The following RBM6 variants were observed in gnomAD, a reference collection of about 807,000 sequenced individuals.
The protein encoded by RBM6 is RNA-binding protein 6.
A neutral mutation model predicts 140.4 loss-of-function variants in RBM6; 23 were observed. The ratio of observed to expected loss-of-function variants is 0.16; its 90% CI spans 0.12 to 0.23. The LOEUF is 0.23. Ranked by LOEUF, RBM6 falls within the 10% of genes least tolerant of loss-of-function variation. The probability of loss-of-function intolerance (pLI) is 1.00; values close to 1 mark genes in which losing one functional copy is unlikely to be tolerated. For synonymous variants in RBM6, 439 were observed against 475.6 expected (o/e 0.92, Z 1.00); for missense variants, 1,139 against 1,386.7 (o/e 0.82, Z 2.84).
chr3:50,041,974 TG>T (rs917623316), intron 6 of RBM6, among the ~76,000 whole-genome samples: 3 of 152,226 alleles, frequency 2.0e-5, no homozygotes, highest in Admixed American at 6.5e-5. Flanking sequence ...CTTTTAGTAC[TG>T]TATGTGTTGC....
chr3:50,037,274 A>G (rs2088601370), intron 6 of RBM6, among the ~76,000 whole-genome samples: 1 of 152,038 alleles, frequency 6.6e-6, no homozygotes, highest in Admixed American at 6.6e-5. Context: ...GGTGACATGC[A>G]CGTATTGTCC....
At chr3:49,985,205 C>T (rs1216408942) in intron 5 of RBM6, among the ~76,000 whole-genome samples, 1 of 152,224 alleles carries the variant, frequency 6.6e-6, no homozygotes, top group African/African-American at 2.4e-5. Context: ...GGGCATTACT[C>T]AGCTTGTATA....
intron 6 of RBM6, among the ~76,000 whole-genome samples, chr3:50,042,258 T>C (rs190697515): frequency 6.6e-6 from 1 of 152,348 alleles, no homozygotes; most frequent in African/African-American, 2.4e-5. Flanking sequence ...ATATACTTTT[T>C]CCCTGCCTTT....
intron 1 of RBM6, among the ~76,000 whole-genome samples, chr3:49,960,338 A>C (rs1158331756): frequency 6.6e-6 from 1 of 152,166 alleles, no homozygotes; most frequent in Non-Finnish European, 1.5e-5. Flanking sequence ...TCTTCATTGG[A>C]TATTTGCTTG....
At chr3:50,015,187 A>ACCCC (rs1176963374) in intron 6 of RBM6, among the ~76,000 whole-genome samples, 1 of 145,686 alleles carries the variant, frequency 6.9e-6, no homozygotes, top group Non-Finnish European at 1.5e-5. Flanking sequence ...GCTCACTGCA[A>ACCCC]CCCCCCGCCT....
intron 1 of RBM6, among the ~76,000 whole-genome samples, chr3:49,945,805 C>A (rs1252420308): frequency 6.7e-6 from 1 of 148,506 alleles, no homozygotes; most frequent in Non-Finnish European, 1.5e-5. Context: ...TGGCGTGAAC[C>A]CGGGAGGCAC....
chr3:50,052,151 A>G (rs2089495168), intron 7 of RBM6, among the ~76,000 whole-genome samples: 1 of 152,044 alleles, frequency 6.6e-6, no homozygotes, highest in African/African-American at 2.4e-5. Context: ...GACAACCTCC[A>G]CCTCCCAGGT....
intron 6 of RBM6, among the ~76,000 whole-genome samples, chr3:50,021,749 T>TTTTTTTTTTTTTG (rs2087497355): frequency 8.5e-6 from 1 of 117,570 alleles, no homozygotes; most frequent in Non-Finnish European, 1.7e-5. Flanking sequence ...GCTTTTTTTT[T>TTTTTTTTTTTTTG]TTTTTTTTTT....
intron 6 of RBM6, among the ~76,000 whole-genome samples, chr3:50,013,447 GA>G (rs2108773720): frequency 6.6e-6 from 1 of 152,250 alleles, no homozygotes; most frequent in South Asian, 2.1e-4. Flanking sequence ...GAGGGAGGCG[GA>G]TCACGAGGTC....
chr3:49,943,603 C>A (rs1017286581), intron 1 of RBM6, among the ~76,000 whole-genome samples: 10 of 152,116 alleles, frequency 6.6e-5, no homozygotes, highest in Non-Finnish European at 1.3e-4. Flanking sequence ...GCCACCACAT[C>A]TGGCCCATAA....
chr3:50,018,050 C>G (rs1416331640), intron 6 of RBM6, among the ~76,000 whole-genome samples: 1 of 152,202 alleles, frequency 6.6e-6, no homozygotes, highest in Admixed American at 6.5e-5. Context: ...ATTGATACAT[C>G]ATTATCAAGG....
intron 1 of RBM6, among the ~76,000 whole-genome samples, chr3:49,961,894 G>A (rs951181260): frequency 6.0e-4 from 92 of 152,120 alleles, no homozygotes; most frequent in African/African-American, 1.9e-3. Context: ...GGTGGCTCAT[G>A]CCTGTAATCC....
intron 6 of RBM6, among the ~76,000 whole-genome samples, chr3:50,030,535 A>G (rs1302597556): frequency 6.6e-6 from 1 of 152,188 alleles, no homozygotes; most frequent in African/African-American, 2.4e-5. Flanking sequence ...AATTTTAAGC[A>G]AAATACTTCC....
chr3:50,024,983 T>G (rs1392657067), intron 6 of RBM6, among the ~76,000 whole-genome samples: 2 of 149,200 alleles, frequency 1.3e-5, no homozygotes, highest in African/African-American at 5.0e-5. Context: ...AGAGCAAGAC[T>G]CCGTCTCAAA....
intron 3 of RBM6, among the ~76,000 whole-genome samples, chr3:49,971,477 C>T (rs2108643926): frequency 6.6e-6 from 1 of 150,794 alleles, no homozygotes; most frequent in Middle Eastern, 3.4e-3. Context: ...GTCATCTTCT[C>T]TCACCAGAGG....
At chr3:50,054,559 G>A (rs1367731167) in intron 8 of RBM6, among the ~76,000 whole-genome samples, 164 bp downstream of exon 8, 1 of 150,408 alleles carries the variant, frequency 6.6e-6, no homozygotes, top group Non-Finnish European at 1.5e-5. Context: ...AGGCTGGAGT[G>A]CAGTGGCACC....
At chr3:49,957,887 A>G (rs2084073124) in intron 1 of RBM6, among the ~76,000 whole-genome samples, 1 of 149,440 alleles carries the variant, frequency 6.7e-6, no homozygotes, top group Non-Finnish European at 1.5e-5. Context: ...GCTGGAGTGC[A>G]ATGGCGCAAT....
rs141434680 is a variant in RBM6 at position 50,060,472 on chromosome 3, G to T, written c.2229-484G>T. On this transcript the variant is annotated intron_variant, in intron 11 of 20. Transcript: ENST00000266022. ...AAGAGTCTTACTGCTCATTGGGCAG[G>T]CGTGGTGGCTCACGCCTGTAATCTC... 2.7e-3 allele frequency among the ~76,000 whole-genome samples: 406 copies of T among 152,210 alleles called. 1 individual carries two copies. Among genetic ancestry groups the T allele is most frequent in the African/African-American group, 9.2e-3 (384 of 41,532 alleles).
At chr3:50,064,694 T>C (rs912214160) in intron 15 of RBM6, among the ~76,000 whole-genome samples, 1 of 152,014 alleles carries the variant, frequency 6.6e-6, no homozygotes, top group Non-Finnish European at 1.5e-5. Context: ...GTATTTTTAC[T>C]AGAGACGGGG....
Sources: gnomAD v4.1 joint callset for allele counts (sites outside exome capture counted in the v4.1 genomes callset) on GRCh38, gnomAD v4.1.1 for gene constraint, MANE v1.5 for transcripts, NCBI Gene and HGNC (gene_info 2026-07-23, HGNC 2026-07-21) for gene names.